LRRFIP1: variants seen among roughly 807,000 people sequenced by gnomAD.
LRRFIP1 encodes the protein leucine-rich repeat flightless-interacting protein 1.
In LRRFIP1, 62 loss-of-function variants were observed where a neutral mutation model predicts 104.4. The observed-to-expected ratio is 0.59, with a 90% CI of 0.48 to 0.73. The LOEUF is 0.73. Among genes scored for constraint, LRRFIP1 ranks in the 30% least tolerant of loss-of-function variants. The pLI, the probability that LRRFIP1 is intolerant of heterozygous loss-of-function variation, is 0.00. For missense variants in LRRFIP1, 796 were observed against 824.5 expected (o/e 0.97, Z 0.42); for synonymous variants, 300 against 299.0 (o/e 1.00, Z -0.03).
chr2:237,701,482 T>G (rs1457913491), intron 1 of LRRFIP1, among the ~76,000 whole-genome samples: 1 of 152,132 alleles, frequency 6.6e-6, no homozygotes, highest in African/African-American at 2.4e-5. Context: ...TCCGCTGGGG[T>G]TTCTCCTTGT....
chr2:237,730,356 A>G (rs558774778), intron 8 of LRRFIP1, among the ~76,000 whole-genome samples: 2 of 152,250 alleles, frequency 1.3e-5, no homozygotes, highest in South Asian at 4.2e-4. Context: ...TAATTTCTAA[A>G]TTGTTTAAGA....
At chr2:237,681,487 C>T (rs893307751) in intron 1 of LRRFIP1, among the ~76,000 whole-genome samples, 3 of 151,780 alleles carry the variant, frequency 2.0e-5, no homozygotes, top group South Asian at 2.1e-4. Context: ...CCACCTCTGC[C>T]TCCTGAGTAG....
intron 1 of LRRFIP1, among the ~76,000 whole-genome samples, chr2:237,660,175 C>T (rs112861242): frequency 6.0e-4 from 91 of 152,266 alleles, no homozygotes; most frequent in African/African-American, 1.9e-3. Flanking sequence ...GCCAATGATA[C>T]GCGAGAAGGC....
chr2:237,760,252 T>G, intron 19 of LRRFIP1, 47 bp downstream of exon 19: 1 of 1,605,708 alleles, frequency 6.2e-7, no homozygotes. Context: ...CCACTCAGCA[T>G]TGGTTCACCC....
intron 2 of LRRFIP1, among the ~76,000 whole-genome samples, chr2:237,709,390 C>T (rs1431463397): frequency 6.6e-6 from 1 of 152,160 alleles, no homozygotes; most frequent in East Asian, 1.9e-4. Flanking sequence ...ACTGAGCCCA[C>T]CCCCAAGAGC....
rs557428269 is a variant in LRRFIP1, at chr2:237,711,500, A to G, written c.184-2759A>G. Among the ~76,000 whole-genome samples the G allele has an allele frequency of 4.6e-5, 7 of 152,268 alleles. No individual in the cohort carries two copies. The highest frequency in any genetic ancestry group is 4.1e-4 in the South Asian group (2 of 4,828). ...CCCTTGCAGGCAGCACCTTTGGCCA[A>G]CGTCACCTTTTGCACGGTCCTCTGT... On this transcript the variant is annotated intron_variant, in intron 2 of 23. Coordinates refer to ENST00000308482, the MANE Select transcript of LRRFIP1 (RefSeq NM_001137550.2). This position sits in a 1 kb window ranked among gnomAD's most constrained non-coding sequence, Gnocchi z 4.4.
At chr2:237,737,033 G>C (rs758587258) in intron 10 of LRRFIP1, among the ~76,000 whole-genome samples, 1 of 152,156 alleles carries the variant, frequency 6.6e-6, no homozygotes, top group African/African-American at 2.4e-5. Context: ...CCAAGTGGTC[G>C]TGACCTCAGG....
At chr2:237,762,748 T>C (rs369834131) in intron 19 of LRRFIP1, 1 of 1,614,210 alleles carries the variant, frequency 6.2e-7, no homozygotes, top group African/African-American at 1.3e-5. Flanking sequence ...CTGGTGAGAA[T>C]ACCGAGGACC....
rs1429209926 is a variant in LRRFIP1 at position 237,691,357 on chromosome 2, G to A, written c.97-17187G>A. Among the ~76,000 whole-genome samples, 1 of 152,124 alleles carries A rather than the reference G, an allele frequency of 6.6e-6. No homozygotes were observed. The highest frequency in any genetic ancestry group is 6.5e-5 in the Admixed American group (1 of 15,288). On this transcript the variant is annotated intron_variant, in intron 1 of 23. Coordinates refer to ENST00000308482, the MANE Select transcript of LRRFIP1 (RefSeq NM_001137550.2). This position sits in a 1 kb window ranked among gnomAD's most constrained non-coding sequence, Gnocchi z 5.4. The stretch of plus-strand genomic sequence containing the variant: ...GGCTGGAGCCCTCCCGGAGGAGACC[G>A]GCGCCTGGCAGGGGGTCGTCGCGGC...
chr2:237,702,754 C>T (rs968597270), intron 1 of LRRFIP1, among the ~76,000 whole-genome samples: 7 of 152,254 alleles, frequency 4.6e-5, no homozygotes, highest in African/African-American at 9.6e-5. Context: ...TTATCTTGAA[C>T]GACTCCACAT....
At chr2:237,701,714 G>T (rs903598286) in intron 1 of LRRFIP1, among the ~76,000 whole-genome samples, 1 of 152,174 alleles carries the variant, frequency 6.6e-6, no homozygotes, top group Admixed American at 6.5e-5. Context: ...TGCCCTGTGT[G>T]CCCTGCCCCG....
intron 8 of LRRFIP1, among the ~76,000 whole-genome samples, chr2:237,732,927 C>T (rs1410383489): frequency 6.6e-6 from 1 of 152,190 alleles, no homozygotes; most frequent in African/African-American, 2.4e-5. Context: ...CCCTGAGGTG[C>T]TTGGCCTGTT....
chr2:237,660,140 G>A (rs1181017678), intron 1 of LRRFIP1, among the ~76,000 whole-genome samples: 1 of 152,080 alleles, frequency 6.6e-6, no homozygotes, highest in East Asian at 1.9e-4. Context: ...TTTCACAAGA[G>A]GAACTCTAAA....
chr2:237,774,523 G>A (rs2279644), intron 23 of LRRFIP1, 61 bp downstream of exon 23: 284,776 of 1,087,888 alleles, frequency 0.26, 40,467 homozygotes, highest in East Asian at 0.55. Context: ...TAGTGGGGAC[G>A]GTACAGAGAG....
intron 1 of LRRFIP1, among the ~76,000 whole-genome samples, chr2:237,670,906 TCTC>T (rs1339981730): frequency 1.3e-5 from 2 of 152,080 alleles, no homozygotes; most frequent in African/African-American, 4.8e-5. Flanking sequence ...TCCTCCTCCC[TCTC>T]CTCCTCCTCA....
At chr2:237,692,256 T>A in intron 1 of LRRFIP1, 1 of 1,143,880 alleles carries the variant, frequency 8.7e-7, no homozygotes, top group South Asian at 4.4e-5. Context: ...GCCCCGCCCC[T>A]GTCGGCCGCG....
In LRRFIP1 at chr2:237,760,125, A is replaced by G. The variant is rs371923514; in HGVS notation, c.1379A>G (p.Asn460Ser). Reference protein sequence around the residue: ...ATNGETSDTLNNVGYQGPTKM... With the variant: ...ATNGETSDTLSNVGYQGPTKM... ...AATGGAGAGACTTCCGACACCCTCA[A>G]TAATGTTGGATACCAAGGTCCTACC... Residue 460 changes from asparagine (N) to serine (S), a missense_variant, in exon 19 of 24, where the codon AAT becomes AGT. Asn to Ser is a conservative substitution (Grantham distance 46). Coordinates refer to ENST00000308482, the MANE Select transcript of LRRFIP1 (RefSeq NM_001137550.2). 36 of 1,613,792 alleles carry G rather than the reference A, an allele frequency of 2.2e-5. No individual in the cohort carries two copies. The highest frequency in any genetic ancestry group is 2.4e-5 in the Non-Finnish European group (28 of 1,179,802).
intron 1 of LRRFIP1, among the ~76,000 whole-genome samples, chr2:237,673,924 G>GTCA (rs386392990): frequency 6.6e-6 from 1 of 151,910 alleles, no homozygotes; most frequent in Non-Finnish European, 1.5e-5. Context: ...TGCAGAGCGC[G>GTCA]TCTACAAACA....
intron 1 of LRRFIP1, among the ~76,000 whole-genome samples, chr2:237,660,637 A>G (rs930039845): frequency 2.0e-5 from 3 of 152,220 alleles, no homozygotes; most frequent in African/African-American, 4.8e-5. Context: ...CATTTGCTGC[A>G]GTCTTGCTTG....
Sources: allele counts gnomAD v4.1 joint callset (sites outside exome capture counted in the v4.1 genomes callset), GRCh38; gene constraint gnomAD v4.1.1; non-coding constraint Gnocchi (gnomAD v3.1); transcripts MANE v1.5; gene names NCBI Gene and HGNC (gene_info 2026-07-23, HGNC 2026-07-21).